BAHCC1: variants seen among roughly 807,000 people sequenced by gnomAD.
The protein encoded by BAHCC1 is BAH domain and coiled-coil containing 1, also known as BAH and coiled-coil domain-containing protein 1.
BAHCC1 carries 43 observed loss-of-function variants against 88.2 expected under a neutral mutation model. The ratio of observed to expected loss-of-function variants is 0.49; its 90% CI spans 0.38 to 0.63. BAHCC1 has a LOEUF of 0.63. Ranked by LOEUF, BAHCC1 falls within the 20% of genes least tolerant of loss-of-function variation. The pLI is 0.00. For missense variants in BAHCC1, 3,023 were observed against 1,654.8 expected (o/e 1.83, Z -14.34); for synonymous variants, 1,510 against 745.5 (o/e 2.03, Z -16.71).
At chr17:81,426,427 GGTGGGTGATGTGGTT>G (rs1226834952) in intron 2 of BAHCC1, among the ~76,000 whole-genome samples, 2 of 144,794 alleles carry the variant, frequency 1.4e-5, no homozygotes, top group African/African-American at 2.6e-5. Context: ...GGGTGATAGT[GGTGGGTGATGTGGTT>G]GGGGGTGATG....
At chr17:81,412,862 C>T (rs1567998880) in intron 2 of BAHCC1, among the ~76,000 whole-genome samples, 1 of 152,224 alleles carries the variant, frequency 6.6e-6, no homozygotes, top group South Asian at 2.1e-4. Flanking sequence ...TATCCAGACC[C>T]AGCTGTGGGG....
rs34680524 is a variant in BAHCC1, at chr17:81,460,363, G to A, written c.5992G>A (p.Val1998Ile). The change falls in exon 24 of 28, where the codon GTC (valine) becomes ATC (isoleucine). Residue 1998 changes from valine to isoleucine, a missense_variant. Transcript: ENST00000675386. ...TACAGGCCACATCGCCGTCTCCAAC[G>A]TCAGGCTGCTGCCCCCTGACTTCAA... The part of the protein sequence containing the change: ...GDTGHIAVSN[V>I]RLLPPDFKIQ... 9.6e-3 allele frequency: 7,403 copies of A among 772,890 alleles called. 74 individuals are homozygous for A. The highest frequency in any genetic ancestry group is 0.03 in the South Asian group (2,211 of 73,018). The allele number at this position is 772,890 out of a possible 1,614,324, so 47.9% of individuals were successfully genotyped here.
At chr17:81,425,820 G>A (rs2064184929) in intron 2 of BAHCC1, among the ~76,000 whole-genome samples, 1 of 145,240 alleles carries the variant, frequency 6.9e-6, no homozygotes, top group African/African-American at 2.6e-5. Flanking sequence ...GGTGGTGGTG[G>A]GTAATGTGGT....
chr17:81,455,253 C>T lies in BAHCC1; in HGVS notation c.4446-14C>T. 1 of 713,378 alleles carries T rather than the reference C, an allele frequency of 1.4e-6. No individual in the cohort carries two copies. Among genetic ancestry groups the T allele is most frequent in the Non-Finnish European group, 2.6e-6 (1 of 384,716 alleles). The allele number at this position is 713,378 out of a possible 1,614,324, so 44.2% of individuals were successfully genotyped here. ...GCCTGCATCTGCCCTGCACCCACCACCCCATGCCCCCAGGGCGGTGCGGAC... is the reference window on the plus strand; with the variant it reads ...GCCTGCATCTGCCCTGCACCCACCATCCCATGCCCCCAGGGCGGTGCGGAC... On this transcript the variant is annotated splice_polypyrimidine_tract_variant and intron_variant, in intron 14 of 27. Transcript: ENST00000675386.
intron 20 of BAHCC1, 34 bp downstream of exon 20, chr17:81,459,003 G>C: frequency 1.4e-6 from 1 of 722,762 alleles, no homozygotes; most frequent in South Asian, 1.4e-5. Context: ...CAGCCGCCTG[G>C]GGAGGGGTGG....
intron 26 of BAHCC1, 124 bp from the exon 27 acceptor site, chr17:81,462,616 C>T (rs781984363): frequency 3.6e-5 from 22 of 612,486 alleles, no homozygotes; most frequent in Non-Finnish European, 5.8e-5. Flanking sequence ...CCCTTGTGGG[C>T]GCCCTGCACA....
At chr17:81,433,924 G>A (rs1398202477) in intron 3 of BAHCC1, among the ~76,000 whole-genome samples, 2 of 152,232 alleles carry the variant, frequency 1.3e-5, no homozygotes, top group African/African-American at 2.4e-5. Flanking sequence ...GGGGTGTCCC[G>A]TGAAGAGCCA....
chr17:81,429,749 C>A (rs1403671348), intron 3 of BAHCC1, among the ~76,000 whole-genome samples: 1 of 152,184 alleles, frequency 6.6e-6, no homozygotes, highest in Non-Finnish European at 1.5e-5. Context: ...AGCCAGCTTG[C>A]CACCCCCTCC....
rs782391721 is a variant in BAHCC1 at position 81,458,351 on chromosome 17, A to T, written c.5228A>T (p.Asp1743Val). 10 of 731,262 alleles carry T rather than the reference A, an allele frequency of 1.4e-5. No homozygotes were observed. Among genetic ancestry groups the T allele is most frequent in the Non-Finnish European group, 2.5e-6 (1 of 395,712 alleles). The allele number at this position is 731,262 out of a possible 1,614,324, so 45.3% of individuals were successfully genotyped here. The change falls in exon 18 of 28, where the codon GAC becomes GTC. Residue 1743 changes from aspartate to valine, a missense_variant. By Grantham distance (152) the Asp-to-Val change is radical (BLOSUM62 -3). Coordinates refer to ENST00000675386, the MANE Select transcript of BAHCC1 (RefSeq NM_001377448.1). ...RAEPGATPSR[D>V]ALFNPSRAFA... ...GAGCCGGGGGCCACCCCCAGCAGGG[A>T]CGCCCTCTTCAACCCCTCTCGGGCC... is the stretch of plus-strand genomic sequence containing the variant.
intron 2 of BAHCC1, chr17:81,401,892 C>T (rs1175588004): frequency 6.6e-6 from 1 of 152,528 alleles, no homozygotes; most frequent in African/African-American, 2.4e-5. Flanking sequence ...TCTCCCCCTT[C>T]TGCCCTTACT....
chr17:81,455,428 C>T (rs1236347231), intron 15 of BAHCC1, 38 bp downstream of exon 15: 12 of 705,362 alleles, frequency 1.7e-5, no homozygotes, highest in Non-Finnish European at 3.1e-5. Context: ...CAGGGCCCTT[C>T]AGGTCCCTTC....
intron 11 of BAHCC1, among the ~76,000 whole-genome samples, chr17:81,449,368 G>A (rs1450072022): frequency 2.6e-5 from 4 of 152,040 alleles, no homozygotes; most frequent in Non-Finnish European, 4.4e-5. Flanking sequence ...CCCTACAAGT[G>A]TAGCGATCAC....
intron 2 of BAHCC1, among the ~76,000 whole-genome samples, chr17:81,418,042 G>A (rs1052612844): frequency 1.3e-5 from 2 of 152,266 alleles, no homozygotes; most frequent in East Asian, 3.8e-4. Context: ...ACAGGTGGTG[G>A]GGAGGTTTGG....
At position 81,444,103 on chromosome 17, in the gene BAHCC1, T is replaced by C. The variant is rs1040295304; in HGVS notation, c.2324+186T>C. 67 of 606,316 alleles carry C rather than the reference T, an allele frequency of 1.1e-4. No homozygotes were observed. In the African/African-American group the frequency reaches 1.1e-3, roughly 10 times the overall value. 37.6% of individuals were successfully genotyped at this position (606,316 alleles called of 1,614,324 possible). On this transcript the variant is annotated intron_variant, in intron 6 of 27. Transcript: ENST00000675386. ...TCTCACCCGGGGTTGGGGGTCTCAG[T>C]TAACCCCTTGCAGCGGTCAGGTTAC...
At position 81,441,850 on chromosome 17, in the gene BAHCC1, C is replaced by T. The variant is rs553003334; in HGVS notation, c.501C>T (p.Asn167=). Residue 167 remains asparagine (N), a synonymous_variant, in exon 5 of 28, where the codon AAC becomes AAT. Coordinates refer to ENST00000675386, the MANE Select transcript of BAHCC1 (RefSeq NM_001377448.1). The part of the protein sequence containing the change: ...GTQKDNFYLR[N]LPPQPTLLPA... ...ACACAGATAACTTCTACCTGCGCAA[C>T]CTGCCGCCCCAGCCCACGCTGCTGC... 22 of 662,448 alleles carry T rather than the reference C, an allele frequency of 3.3e-5. No individual in the cohort carries two copies. The South Asian group carries it at 3.9e-4, about 12-fold the overall frequency. 41.0% of individuals were successfully genotyped at this position (662,448 alleles called of 1,614,324 possible).
Position 81,461,815 on chromosome 17 carries a change from C to A in BAHCC1, c.7152C>A (p.His2384Gln), listed in dbSNP as rs540346533. 4.2e-6 allele frequency: 3 copies of A among 717,082 alleles called. No homozygotes were observed. The highest frequency in any genetic ancestry group is 7.8e-6 in the Non-Finnish European group (3 of 384,828). The allele number at this position is 717,082 out of a possible 1,614,324, so 44.4% of individuals were successfully genotyped here. ...EALRSKGSGP[H>Q]AHAQRCFLSR... ...TGCGCTCCAAGGGCAGCGGCCCTCA[C>A]GCGCATGCCCAGCGCTGCTTCCTGT... The change falls in exon 26 of 28, where the codon CAC (histidine) becomes CAA (glutamine). Residue 2384 changes from histidine to glutamine, a missense_variant. Transcript: ENST00000675386.
intron 4 of BAHCC1, among the ~76,000 whole-genome samples, chr17:81,440,716 G>A (rs2064399529): frequency 6.6e-6 from 1 of 152,186 alleles, no homozygotes; most frequent in South Asian, 2.1e-4. Context: ...CCCAGACCGA[G>A]GGCCCAGGCT....
intron 4 of BAHCC1, among the ~76,000 whole-genome samples, chr17:81,439,172 T>C (rs2064377751): frequency 6.6e-6 from 1 of 152,194 alleles, no homozygotes; most frequent in Non-Finnish European, 1.5e-5. Context: ...AGGGCCTGGC[T>C]GGAGGTGGGA....
chr17:81,456,064 C>T (rs1177139640), intron 15 of BAHCC1: 8 of 531,944 alleles, frequency 1.5e-5, no homozygotes, highest in East Asian at 1.0e-4. Flanking sequence ...ATGTCCCCTA[C>T]GTGGGGTGGG....
Sources: allele counts gnomAD v4.1 joint callset (sites outside exome capture counted in the v4.1 genomes callset), GRCh38; gene constraint gnomAD v4.1.1; transcripts MANE v1.5; gene names NCBI Gene and HGNC (gene_info 2026-07-23, HGNC 2026-07-21).